Variants in SHISA6 observed in about 807,000 individuals in gnomAD.
SHISA6 encodes the protein protein shisa-6.
A neutral mutation model predicts 47.9 loss-of-function variants in SHISA6; 22 were observed. The ratio of observed to expected loss-of-function variants is 0.46; its 90% CI spans 0.33 to 0.66. SHISA6 has a LOEUF of 0.66. Ranked by LOEUF, SHISA6 falls within the 30% of genes least tolerant of loss-of-function variation. SHISA6 has a pLI of 0.02. For synonymous variants in SHISA6, 388 were observed against 337.8 expected (o/e 1.15, Z -1.63); for missense variants, 680 against 764.6 (o/e 0.89, Z 1.30).
intron 3 of SHISA6, among the ~76,000 whole-genome samples, chr17:11,468,367 G>T (rs1191663946): frequency 6.6e-6 from 1 of 151,924 alleles, no homozygotes; most frequent in Non-Finnish European, 1.5e-5. Context: ...TCCAGATTTT[G>T]TAAGCAAGCA....
At chr17:11,344,839 T>G (rs1051817735) in intron 2 of SHISA6, among the ~76,000 whole-genome samples, 2 of 152,258 alleles carry the variant, frequency 1.3e-5, no homozygotes, top group Admixed American at 1.3e-4. Context: ...TTATTGTTAA[T>G]TATATTCACC....
At chr17:11,478,945 C>T (rs62063660) in intron 3 of SHISA6, among the ~76,000 whole-genome samples, 1 of 151,832 alleles carries the variant, frequency 6.6e-6, no homozygotes, top group South Asian at 2.1e-4. Flanking sequence ...TAGTTTTTCC[C>T]AATTCTGTGA....
At chr17:11,491,896 T>C (rs1029884339) in intron 3 of SHISA6, among the ~76,000 whole-genome samples, 3 of 151,088 alleles carry the variant, frequency 2.0e-5, no homozygotes, top group African/African-American at 7.3e-5. Flanking sequence ...CTCAGCCTCC[T>C]GAGTAGCTGG....
intron 2 of SHISA6, among the ~76,000 whole-genome samples, chr17:11,293,812 CA>C (rs1423612756): frequency 6.6e-6 from 1 of 152,150 alleles, no homozygotes; most frequent in African/African-American, 2.4e-5. Flanking sequence ...GAAATGGTTG[CA>C]AGTCCTGGCA....
intron 4 of SHISA6, among the ~76,000 whole-genome samples, chr17:11,554,371 G>C (rs1292377229): frequency 3.3e-5 from 5 of 152,138 alleles, no homozygotes; most frequent in African/African-American, 1.2e-4. Flanking sequence ...CCCTGGCTCA[G>C]TCCCCAGTGT....
chr17:11,445,488 C>T (rs11656526), intron 3 of SHISA6, among the ~76,000 whole-genome samples: 5,267 of 152,286 alleles, frequency 0.035, 128 homozygotes, highest in Non-Finnish European at 0.054. Context: ...AGCAATGCAA[C>T]TATATCAGTA....
At chr17:11,501,117 T>G (rs1044733040) in intron 3 of SHISA6, among the ~76,000 whole-genome samples, 4 of 146,478 alleles carry the variant, frequency 2.7e-5, no homozygotes, top group African/African-American at 1.0e-4. Flanking sequence ...TCCAACACAT[T>G]TTTTTTTTTT....
intron 3 of SHISA6, among the ~76,000 whole-genome samples, chr17:11,492,066 GC>G (rs1338876592): frequency 6.6e-6 from 1 of 152,172 alleles, no homozygotes; most frequent in Non-Finnish European, 1.5e-5. Context: ...ACCATGCCCA[GC>G]CGCTGGTGAA....
intron 3 of SHISA6, among the ~76,000 whole-genome samples, chr17:11,425,565 A>C (rs1014169976): frequency 2.0e-5 from 3 of 152,198 alleles, no homozygotes; most frequent in African/African-American, 7.2e-5. Context: ...TTTGGCTTCA[A>C]GTGACAGAGA....
chr17:11,557,033 C>T (rs7222913), intron 5 of SHISA6, among the ~76,000 whole-genome samples: 1 of 152,110 alleles, frequency 6.6e-6, no homozygotes, highest in Non-Finnish European at 1.5e-5. Context: ...ATGAGGCGCA[C>T]ATGTAAGATT....
At chr17:11,345,610 A>T (rs1298940247) in intron 2 of SHISA6, among the ~76,000 whole-genome samples, 1 of 152,096 alleles carries the variant, frequency 6.6e-6, no homozygotes, top group Non-Finnish European at 1.5e-5. Context: ...TGAACGTGGG[A>T]TGTCTTTCCA....
intron 2 of SHISA6, among the ~76,000 whole-genome samples, chr17:11,347,705 G>C (rs1341670295): frequency 1.3e-5 from 2 of 152,138 alleles, no homozygotes; most frequent in Non-Finnish European, 2.9e-5. Context: ...AAAGCAGTGT[G>C]GGTAGGCACA....
intron 3 of SHISA6, among the ~76,000 whole-genome samples, chr17:11,462,606 G>A (rs535564113): frequency 6.6e-6 from 1 of 151,986 alleles, no homozygotes; most frequent in Non-Finnish European, 1.5e-5. Flanking sequence ...TGACAGTGTG[G>A]GGTTTTTTTT....
At chr17:11,461,543 G>T (rs1915692003) in intron 3 of SHISA6, among the ~76,000 whole-genome samples, 1 of 152,188 alleles carries the variant, frequency 6.6e-6, no homozygotes. Flanking sequence ...GGGCTACATG[G>T]GGAAGCACCA....
intron 3 of SHISA6, among the ~76,000 whole-genome samples, chr17:11,469,018 CAAAAAAAAAAAAAAAA>C (rs61191316): frequency 4.3e-5 from 2 of 46,068 alleles, no homozygotes; most frequent in African/African-American, 8.0e-5. Context: ...GACTCCGTCT[CAAAAAAAAAAAAAAAA>C]AAAAAAAAAA....
At chr17:11,458,170 GACTTA>G (rs1462442103) in intron 3 of SHISA6, among the ~76,000 whole-genome samples, 2 of 151,756 alleles carry the variant, frequency 1.3e-5, no homozygotes, top group Non-Finnish European at 2.9e-5. Context: ...TACTTCACCA[GACTTA>G]TCTTAAGTCC....
Position 11,300,149 on chromosome 17 carries a change from C to CA in SHISA6, c.799+36639dup, listed in dbSNP as rs56060137. Among the ~76,000 whole-genome samples, 311 of 129,184 alleles carry CA rather than the reference C, an allele frequency of 2.4e-3. 2 individuals are homozygous for CA. The highest frequency in any genetic ancestry group is 8.0e-3 in the African/African-American group (276 of 34,440). 84.7% of individuals were successfully genotyped at this position (129,184 alleles called of 152,430 possible). On this transcript the variant is annotated intron_variant, in intron 2 of 5. Coordinates refer to ENST00000441885, the MANE Select transcript of SHISA6 (RefSeq NM_207386.4). ...GACAGAGCAAGACTCCATCTTAAAA[C>CA]AAAAAAAAAAAAAAAAGAAAAACAA...
intron 2 of SHISA6, among the ~76,000 whole-genome samples, chr17:11,301,895 GAA>G (rs1909940992): frequency 6.6e-6 from 1 of 152,218 alleles, no homozygotes; most frequent in African/African-American, 2.4e-5. Context: ...ACTGGGAAGA[GAA>G]AGAGGTTCAG....
rs73977319 is a variant in SHISA6 at position 11,456,717 on chromosome 17, G to A, written c.895+77208G>A. Among the ~76,000 whole-genome samples, 368 of 152,254 alleles carry A rather than the reference G, an allele frequency of 2.4e-3. 3 individuals are homozygous for A. The highest frequency in any genetic ancestry group is 8.3e-3 in the African/African-American group (343 of 41,548). On this transcript the variant is annotated intron_variant, in intron 3 of 5. Transcript: ENST00000441885. ...CACCAGGGCTGGACCGCCCCCCTCT[G>A]CACACGAAGAACTGCAGGACTTGGA...
Sources: allele counts gnomAD v4.1 joint callset (sites outside exome capture counted in the v4.1 genomes callset), GRCh38; gene constraint gnomAD v4.1.1; transcripts MANE v1.5; gene names NCBI Gene and HGNC (gene_info 2026-07-23, HGNC 2026-07-21).